The following NBAS variants were observed in gnomAD, a reference collection of about 807,000 sequenced individuals.
NBAS encodes the protein NAG/BC035112 fusion.
Under a neutral mutation model 302.5 loss-of-function variants are expected in NBAS, and 219 were observed. The ratio of observed to expected loss-of-function variants is 0.72; its 90% CI spans 0.65 to 0.81. The LOEUF (loss-of-function observed/expected upper bound fraction) is 0.81, where lower values mean the gene tolerates loss of function less well. Among genes scored for constraint, NBAS ranks in the 30% least tolerant of loss-of-function variants. The probability of loss-of-function intolerance (pLI) is 0.00; values close to 1 mark genes in which losing one functional copy is unlikely to be tolerated. For synonymous variants in NBAS, 1,118 were observed against 1,021.6 expected (o/e 1.09, Z -1.80); for missense variants, 2,932 against 2,841.6 (o/e 1.03, Z -0.72).
At chr2:14,794,755 T>G in the NBAS span, among the ~76,000 whole-genome samples, 1 of 152,184 alleles carries the variant, frequency 6.6e-6, no homozygotes, top group African/African-American at 2.4e-5. Flanking sequence ...CTTTTCCTTC[T>G]GATCCTCCTG....
At position 15,460,906 on chromosome 2, in the gene NBAS, ATACAT is replaced by A. The variant is rs1246542121; in HGVS notation, c.2339+290_2339+294del. ...TCTAAAAGATACAACTAACTCAGAC[ATACAT>A]TATCCTAAAAACTGTTCTAAACCAG... On this transcript the variant is annotated intron_variant, in intron 21 of 51. Coordinates refer to ENST00000281513, the MANE Select transcript of NBAS (RefSeq NM_015909.4). Among the ~76,000 whole-genome samples the A allele has an allele frequency of 2.0e-5, 3 of 152,222 alleles. No individual in the cohort carries two copies. The East Asian group carries it at 5.8e-4, about 29-fold the overall frequency.
chr2:15,308,288 C>G lies in NBAS; in HGVS notation c.4725G>C (p.Ala1575=), dbSNP rs368763420. 2.5e-6 allele frequency: 4 copies of G among 1,614,148 alleles called. No individual in the cohort carries two copies. Among genetic ancestry groups the G allele is most frequent in the Non-Finnish European group, 3.4e-6 (4 of 1,180,018 alleles). ...CATAGATCTGGAGGCTATAGTAATACGCTGCCAGCTGGAGAGATAATGCAG... is the reference window on the plus strand; with the variant it reads ...CATAGATCTGGAGGCTATAGTAATAGGCTGCCAGCTGGAGAGATAATGCAG... ...SPSALSLQLA[A]YYYSLQIYAR... is the part of the protein sequence containing the mutation. Residue 1575 remains alanine, a synonymous_variant, in exon 40 of 52, where the codon GCG becomes GCC. Coordinates refer to ENST00000281513, the MANE Select transcript of NBAS (RefSeq NM_015909.4).
At chr2:15,174,315 C>T (rs1558408538) in intron 51 of NBAS, among the ~76,000 whole-genome samples, 1 of 152,164 alleles carries the variant, frequency 6.6e-6, no homozygotes, top group African/African-American at 2.4e-5. Flanking sequence ...GGTTCTGGTG[C>T]CTTCATGGCA....
At chr2:15,481,114 A>G (rs557793970) in intron 12 of NBAS, among the ~76,000 whole-genome samples, 3 of 152,322 alleles carry the variant, frequency 2.0e-5, no homozygotes, top group Admixed American at 1.3e-4. Context: ...CACTTAGTAT[A>G]ATATTCTCAA....
chr2:15,028,982 A>C, the NBAS span, among the ~76,000 whole-genome samples: 1 of 152,204 alleles, frequency 6.6e-6, no homozygotes, highest in Non-Finnish European at 1.5e-5. Context: ...CAACACCTGG[A>C]ATCATACCTG....
At chr2:15,482,201 G>A (rs1443391301) in intron 12 of NBAS, among the ~76,000 whole-genome samples, 2 of 152,130 alleles carry the variant, frequency 1.3e-5, no homozygotes, top group African/African-American at 4.8e-5. Flanking sequence ...CGTGGTCACG[G>A]CTCACTACAA....
chr2:15,394,041 T>C (rs1675744916), intron 28 of NBAS, among the ~76,000 whole-genome samples, 186 bp downstream of exon 28: 2 of 152,126 alleles, frequency 1.3e-5, no homozygotes, highest in African/African-American at 4.8e-5. Context: ...GTGTTTATTA[T>C]CTTAATCATA....
intron 35 of NBAS, among the ~76,000 whole-genome samples, chr2:15,350,560 G>A (rs1673304232): frequency 6.6e-6 from 1 of 152,150 alleles, no homozygotes; most frequent in Non-Finnish European, 1.5e-5. Flanking sequence ...AAGAAGACAG[G>A]TTTCAGGGAG....
At chr2:14,788,463 T>C in the NBAS span, among the ~76,000 whole-genome samples, 102 of 152,264 alleles carry the variant, frequency 6.7e-4, no homozygotes, top group Middle Eastern at 6.8e-3. Context: ...TATCTACTTT[T>C]GGTCTTTGAT....
the NBAS span, among the ~76,000 whole-genome samples, chr2:14,930,374 G>A: frequency 0.026 from 3,971 of 152,278 alleles, 68 homozygotes; most frequent in Non-Finnish European, 0.037. Flanking sequence ...GTGGAAGCAT[G>A]GAATAGGATG....
intron 32 of NBAS, among the ~76,000 whole-genome samples, chr2:15,365,859 T>TC (rs1238010543): frequency 6.6e-6 from 1 of 151,888 alleles, no homozygotes; most frequent in Non-Finnish European, 1.5e-5. Context: ...CTTGCAGAGA[T>TC]CAGCATAAGA....
intron 19 of NBAS, 76 bp downstream of exon 19, chr2:15,467,253 C>T (rs777140396): frequency 6.9e-5 from 74 of 1,078,958 alleles, no homozygotes; most frequent in Middle Eastern, 6.2e-4. Context: ...CAAGAATATC[C>T]GATATTAGGG....
At chr2:14,841,637 T>C in the NBAS span, among the ~76,000 whole-genome samples, 1 of 152,018 alleles carries the variant, frequency 6.6e-6, no homozygotes, top group South Asian at 2.1e-4. Flanking sequence ...GATATAACAT[T>C]ATAAATCTCT....
rs201726601 is a variant in NBAS, at chr2:15,287,223, G to A, written c.5028-40C>T. The A allele has an allele frequency of 2.0e-6, 3 of 1,519,456 alleles. No individual in the cohort carries two copies. In the East Asian group the frequency reaches 6.8e-5, roughly 34 times the overall value. 94.1% of individuals were successfully genotyped at this position (1,519,456 alleles called of 1,614,324 possible). On this transcript the variant is annotated intron_variant, in intron 41 of 51. Coordinates refer to ENST00000281513, the MANE Select transcript of NBAS (RefSeq NM_015909.4). ...ATCAAGCCCAGGAAGGGAGAGAGGA[G>A]AAACACATGACTTCAATCAGCAACG...
At chr2:14,830,075 T>C in the NBAS span, among the ~76,000 whole-genome samples, 1 of 152,304 alleles carries the variant, frequency 6.6e-6, no homozygotes, top group Admixed American at 6.5e-5. Flanking sequence ...AGATTTTATT[T>C]CTTGACGATC....
chr2:15,409,007 C>A (rs191869442), intron 25 of NBAS, among the ~76,000 whole-genome samples: 8 of 152,238 alleles, frequency 5.3e-5, no homozygotes, highest in Admixed American at 5.2e-4. Flanking sequence ...GACACCATCC[C>A]TACAAAAAGT....
intron 40 of NBAS, among the ~76,000 whole-genome samples, chr2:15,307,213 T>C (rs1476428911): frequency 1.3e-5 from 2 of 152,146 alleles, no homozygotes; most frequent in Non-Finnish European, 2.9e-5. Context: ...AACCCAACAA[T>C]GTATCTTTAA....
chr2:15,280,399 G>A (rs10193783), intron 42 of NBAS, among the ~76,000 whole-genome samples: 89,523 of 151,950 alleles, frequency 0.59, 29,208 homozygotes, highest in African/African-American at 0.87. Context: ...GCTGCCGGGA[G>A]AGGGGGAAGA....
intron 9 of NBAS, among the ~76,000 whole-genome samples, chr2:15,525,530 G>C (rs1662876988): frequency 6.6e-6 from 1 of 152,166 alleles, no homozygotes; most frequent in South Asian, 2.1e-4. Flanking sequence ...AACCGTAGTA[G>C]TGGTGGCACA....
Sources: allele counts gnomAD v4.1 joint callset (sites outside exome capture counted in the v4.1 genomes callset), GRCh38; gene constraint gnomAD v4.1.1; transcripts MANE v1.5; gene names NCBI Gene and HGNC (gene_info 2026-07-23, HGNC 2026-07-21).